SCFD2: variants seen among roughly 807,000 people sequenced by gnomAD.
SCFD2 encodes the protein sec1 family domain containing 2, also known as sec1 family domain-containing protein 2.
Under a neutral mutation model 58.9 loss-of-function variants are expected in SCFD2, and 54 were observed. That is an observed-to-expected ratio of 0.92 (90% CI 0.74 to 1.15). The LOEUF is 1.15. Among genes scored for constraint, SCFD2 ranks in the 50% most tolerant of loss-of-function variants. The pLI, the probability that SCFD2 is intolerant of heterozygous loss-of-function variation, is 0.00. For synonymous variants in SCFD2, 321 were observed against 335.9 expected, an observed-to-expected ratio of 0.96 and a Z score of 0.49; for missense variants, 805 against 836.6, an observed-to-expected ratio of 0.96 and a Z score of 0.47.
chr4:52,942,916 C>G (rs919812122), intron 5 of SCFD2, among the ~76,000 whole-genome samples: 9 of 150,320 alleles, frequency 6.0e-5, no homozygotes. Flanking sequence ...AGGATATGAC[C>G]TATATAAATC....
intron 5 of SCFD2, among the ~76,000 whole-genome samples, chr4:53,134,766 A>G (rs902226071): frequency 6.6e-6 from 1 of 152,220 alleles, no homozygotes; most frequent in Non-Finnish European, 1.5e-5. Flanking sequence ...CTAGTTTCTT[A>G]AAGACCTAGA....
chr4:53,192,159 G>C (rs1727933072), intron 4 of SCFD2, among the ~76,000 whole-genome samples: 1 of 152,140 alleles, frequency 6.6e-6, no homozygotes, highest in Admixed American at 6.5e-5. Context: ...TTAATAAAAA[G>C]AGGAACTAAA....
At chr4:52,976,203 A>G (rs1721257840) in intron 5 of SCFD2, among the ~76,000 whole-genome samples, 2 of 152,118 alleles carry the variant, frequency 1.3e-5, no homozygotes, top group South Asian at 2.1e-4. Flanking sequence ...CTAAGATTCT[A>G]TTCGTGTACA....
chr4:53,061,070 A>C (rs1936310146), intron 5 of SCFD2, among the ~76,000 whole-genome samples: 1 of 152,204 alleles, frequency 6.6e-6, no homozygotes, highest in Admixed American at 6.5e-5. Flanking sequence ...ATACACATAC[A>C]TAATAGAAAT....
At position 53,365,356 on chromosome 4, in the gene SCFD2, T is replaced by A. The variant is rs1306962365; in HGVS notation, c.586A>T (p.Lys196Ter). 6.2e-7 allele frequency: 1 copy of A among 1,614,146 alleles called. No individual in the cohort carries two copies. Among genetic ancestry groups the A allele is most frequent in the Non-Finnish European group, 8.5e-7 (1 of 1,180,000 alleles). ...TCCACATCACCCAGGCTTCCCAGCT[T>A]CCTCTTGTCCGGTCGGGCGCTATTA... ...LLNSARPDKR[K>*]LGSLGDVDST... is the part of the protein sequence containing the mutation. The change falls in exon 1 of 9, where the codon AAG becomes TAG. Residue 196 changes from lysine (K) to a stop codon, truncating the protein, a stop_gained. Transcript: ENST00000401642. LOFTEE classifies it high-confidence loss of function. This position sits in a 1 kb window ranked among gnomAD's most constrained non-coding sequence, Gnocchi z 4.3.
intron 4 of SCFD2, among the ~76,000 whole-genome samples, chr4:53,244,622 T>C (rs1730005334): frequency 6.6e-6 from 1 of 152,094 alleles, no homozygotes; most frequent in African/African-American, 2.4e-5. Flanking sequence ...CAGCACTAAA[T>C]GTCCACATCA....
intron 5 of SCFD2, among the ~76,000 whole-genome samples, chr4:53,063,808 C>T (rs901636048): frequency 6.6e-6 from 1 of 152,142 alleles, no homozygotes; most frequent in African/African-American, 2.4e-5. Context: ...AAGTATCCCT[C>T]TAGAACCACT....
chr4:53,109,000 T>C (rs577440762), intron 5 of SCFD2, among the ~76,000 whole-genome samples: 17 of 152,272 alleles, frequency 1.1e-4, no homozygotes, highest in African/African-American at 3.4e-4. Context: ...CAGCAGCACA[T>C]TGAAAAGCTC....
chr4:53,352,286 A>G (rs1734244369), intron 2 of SCFD2, among the ~76,000 whole-genome samples: 1 of 152,236 alleles, frequency 6.6e-6, no homozygotes, highest in African/African-American at 2.4e-5. Flanking sequence ...GAGGAAGACT[A>G]GACTCAATTC....
intron 4 of SCFD2, among the ~76,000 whole-genome samples, chr4:53,263,420 T>C (rs548544523): frequency 3.2e-4 from 48 of 152,286 alleles, no homozygotes; most frequent in Non-Finnish European, 5.7e-4. Context: ...GCTGTTCAGA[T>C]TATTTCGTCT....
chr4:53,322,889 G>C (rs2149121146), intron 2 of SCFD2, among the ~76,000 whole-genome samples: 1 of 152,300 alleles, frequency 6.6e-6, no homozygotes, highest in East Asian at 1.9e-4. Flanking sequence ...GAAAGTTAAG[G>C]ATTAATTCAT....
At chr4:53,262,269 G>A (rs909118445) in intron 4 of SCFD2, among the ~76,000 whole-genome samples, 2 of 152,160 alleles carry the variant, frequency 1.3e-5, no homozygotes, top group African/African-American at 2.4e-5. Context: ...GTATTAAGAT[G>A]TCAGGTACTA....
intron 5 of SCFD2, among the ~76,000 whole-genome samples, chr4:53,010,700 A>T (rs1348367903): frequency 6.6e-6 from 1 of 152,208 alleles, no homozygotes; most frequent in Non-Finnish European, 1.5e-5. Context: ...GAAGAGAAAC[A>T]TCTTAGGTAT....
intron 5 of SCFD2, among the ~76,000 whole-genome samples, chr4:53,103,492 T>C (rs1240861248): frequency 2.6e-5 from 4 of 151,008 alleles, no homozygotes; most frequent in Non-Finnish European, 5.9e-5. Flanking sequence ...AATCTGGATA[T>C]AGAATGTTTC....
intron 5 of SCFD2, among the ~76,000 whole-genome samples, chr4:53,143,422 G>A (rs1726226174): frequency 6.6e-6 from 1 of 152,108 alleles, no homozygotes; most frequent in African/African-American, 2.4e-5. Flanking sequence ...ATTTATTGAT[G>A]GCCAAACACA....
In SCFD2 at chr4:53,145,458, T is replaced by A; in HGVS notation, c.1436A>T (p.Tyr479Phe). The A allele has an allele frequency of 6.2e-7, 1 of 1,614,138 alleles. No individual in the cohort carries two copies. Among genetic ancestry groups the A allele is most frequent in the Middle Eastern group, 1.6e-4 (1 of 6,062 alleles). Residue 479 changes from tyrosine (Y) to phenylalanine (F), a missense_variant, in exon 5 of 9, where the codon TAT becomes TTT. By Grantham distance (22) the Tyr-to-Phe change is conservative. Around this residue, in one of 3 missense-constraint regions of SCFD2, gnomAD observed 633 missense variants for 646.8 expected, o/e 0.98. Transcript: ENST00000401642. Reference protein sequence around the residue: ...EELLILLIYIYSVTGELTVDK... With the variant: ...EELLILLIYIFSVTGELTVDK... ...TACCGTGAGCTCTCCAGTGACAGAA[T>A]AAATATATATGAGAAGGATCAGCAG...
rs181677207 is a variant in SCFD2 at position 52,894,302 on chromosome 4, A to G, written c.1843-8436T>C. On this transcript the variant is annotated intron_variant, in intron 7 of 8. Transcript: ENST00000401642. Reference sequence around the variant, plus strand: ...CCTCATGCAGTTTCATTAGATAAAAACCCACCCTTCTCATGTCAATTTTAG... The same window carrying G: ...CCTCATGCAGTTTCATTAGATAAAAGCCCACCCTTCTCATGTCAATTTTAG... Among the ~76,000 whole-genome samples the G allele has an allele frequency of 1.3e-3, 198 of 152,320 alleles. 1 individual carries two copies. The Middle Eastern group carries it at 0.014, about 10-fold the overall frequency.
chr4:53,059,402 A>G (rs925794339), intron 5 of SCFD2, among the ~76,000 whole-genome samples: 1 of 152,130 alleles, frequency 6.6e-6, no homozygotes, highest in African/African-American at 2.4e-5. Context: ...AGATACTTTT[A>G]GCTCCATGTT....
At chr4:52,903,067 A>G (rs1331006783) in intron 7 of SCFD2, among the ~76,000 whole-genome samples, 1 of 152,174 alleles carries the variant, frequency 6.6e-6, no homozygotes, top group Non-Finnish European at 1.5e-5. Context: ...CCACTCTGTG[A>G]GGTCACATTT....
Sources: allele counts gnomAD v4.1 joint callset (sites outside exome capture counted in the v4.1 genomes callset), GRCh38; gene constraint gnomAD v4.1.1; regional missense constraint gnomAD v4.1.1; non-coding constraint Gnocchi (gnomAD v3.1); transcripts MANE v1.5; gene names NCBI Gene and HGNC (gene_info 2026-07-23, HGNC 2026-07-21).